Variants in CRY1 observed in about 807,000 individuals in gnomAD.
The protein encoded by CRY1 is cryptochrome-1.
CRY1 carries 45 observed loss-of-function variants against 76.0 expected under a neutral mutation model. The ratio of observed to expected loss-of-function variants is 0.59; its 90% CI spans 0.47 to 0.76. The LOEUF (loss-of-function observed/expected upper bound fraction) is 0.76. Ranked by LOEUF, CRY1 falls within the 30% of genes least tolerant of loss-of-function variation. The pLI is 0.00. For synonymous variants in CRY1, 248 were observed against 244.0 expected, an observed-to-expected ratio of 1.02 and a Z score of -0.15; for missense variants, 587 against 716.4, an observed-to-expected ratio of 0.82 and a Z score of 2.06.
chr12:107,017,434 C>T (rs1318482664), intron 2 of CRY1, among the ~76,000 whole-genome samples: 1 of 152,204 alleles, frequency 6.6e-6, no homozygotes, highest in African/African-American at 2.4e-5. Flanking sequence ...ATTGGTTTCA[C>T]TCGGATCTGC....
chr12:106,992,204 C>T lies in CRY1; in HGVS notation c.*1-203G>A, dbSNP rs548485056. ...AATTTTTAAAAACTGGCAAATCCAA[C>T]GTATAAATATTTTTCATATTAATTT... On this transcript the variant is annotated intron_variant, in intron 12 of 12. Coordinates refer to ENST00000008527, the MANE Select transcript of CRY1 (RefSeq NM_004075.5). 4 of 152,178 alleles carry T rather than the reference C, an allele frequency of 2.6e-5. No homozygotes were observed. In the South Asian group the frequency reaches 8.3e-4, roughly 32 times the overall value. The allele number at this position is 152,178 out of a possible 1,614,324, so 9.4% of individuals were successfully genotyped here.
rs1220228903 is a variant in CRY1, at chr12:107,069,574, G to GTA, written c.158+23228_158+23229dup. Among the ~76,000 whole-genome samples the GTA allele has an allele frequency of 9.4e-3, 1,015 of 107,816 alleles. 12 individuals carry two copies. Among genetic ancestry groups the GTA allele is most frequent in the African/African-American group, 0.047 (959 of 20,456 alleles). The allele number at this position is 107,816 out of a possible 152,430, so 70.7% of individuals were successfully genotyped here. On this transcript the variant is annotated intron_variant, in intron 1 of 12. Transcript: ENST00000008527. ...AGTATATATATAATATATATATAAA[G>GTA]TATATATATAAAGTATATATATATA...
intron 1 of CRY1, among the ~76,000 whole-genome samples, chr12:107,035,324 C>T (rs749615048): frequency 2.6e-5 from 4 of 152,106 alleles, no homozygotes; most frequent in Non-Finnish European, 4.4e-5. Context: ...AGTAATGTAT[C>T]TATTAACAAT....
chr12:107,001,781 G>A lies in CRY1; in HGVS notation c.578C>T (p.Pro193Leu). 6.4e-7 allele frequency: 1 copy of A among 1,557,622 alleles called. No individual in the cohort carries two copies. The highest frequency in any genetic ancestry group is 2.4e-5 in the East Asian group (1 of 42,076). The change falls in exon 4 of 13, where the codon CCT (proline) becomes CTT (leucine). Residue 193 changes from proline to leucine, a missense_variant. By Grantham distance (98) the Pro-to-Leu change is moderately conservative. Transcript: ENST00000008527. ...SDDHDEKYGV[P>L]SLEELGFDTD... ...ACACTCACCTAGCTCTTCCAGTGAA[G>A]GGACTCCATATTTCTCATCATGGTC...
intron 2 of CRY1, among the ~76,000 whole-genome samples, chr12:107,014,190 A>G (rs1308540707): frequency 6.6e-6 from 1 of 152,194 alleles, no homozygotes; most frequent in Non-Finnish European, 1.5e-5. Context: ...TCATACCAAT[A>G]ACCTGCTGGT....
rs1952547833 is a variant in CRY1, at chr12:107,020,797, G to T, written c.267+1287C>A. 2.6e-5 allele frequency among the ~76,000 whole-genome samples: 4 copies of T among 152,210 alleles called. No individual in the cohort carries two copies. The South Asian group carries it at 8.3e-4, about 32-fold the overall frequency. ...AATGGACTAATACAGTAATAAATAG[G>T]AAGGGATGAATACAAAAAGGGCAAT... On this transcript the variant is annotated intron_variant, in intron 2 of 12. Coordinates refer to ENST00000008527, the MANE Select transcript of CRY1 (RefSeq NM_004075.5).
At position 106,997,668 on chromosome 12, in the gene CRY1, C is replaced by G. The variant is rs1424800183; in HGVS notation, c.1312G>C (p.Gly438Arg). 6.2e-7 allele frequency: 1 copy of G among 1,613,964 alleles called. No homozygotes were observed. Among genetic ancestry groups the G allele is most frequent in the East Asian group, 2.2e-5 (1 of 44,864 alleles). ...TCATAGATATATTTTGCAGGGAAGC[C>G]TCTTAGGACAGGCAAATAACGCCTT... ...YIRRYLPVLR[G>R]FPAKYIYDPW... Residue 438 changes from glycine to arginine, a missense_variant, in exon 9 of 13, where the codon GGC (glycine) becomes CGC (arginine). Transcript: ENST00000008527.
chr12:107,029,971 G>C (rs1952657961), intron 1 of CRY1, among the ~76,000 whole-genome samples: 2 of 152,138 alleles, frequency 1.3e-5, no homozygotes, highest in African/African-American at 4.8e-5. Context: ...AGGATGTGGT[G>C]GTGATGGTAG....
intron 2 of CRY1, among the ~76,000 whole-genome samples, chr12:107,011,807 G>A (rs763895613): frequency 6.6e-6 from 1 of 152,194 alleles, no homozygotes; most frequent in Non-Finnish European, 1.5e-5. Flanking sequence ...GAATTAAGGT[G>A]GCTACACTAA....
intron 1 of CRY1, among the ~76,000 whole-genome samples, chr12:107,037,442 G>C (rs1384008125): frequency 6.6e-6 from 1 of 151,966 alleles, no homozygotes; most frequent in Non-Finnish European, 1.5e-5. Flanking sequence ...AGAGGCAGGA[G>C]AATCACTTGA....
chr12:107,003,800 A>T (rs1317974674), intron 3 of CRY1, among the ~76,000 whole-genome samples: 1 of 149,358 alleles, frequency 6.7e-6, no homozygotes, highest in Non-Finnish European at 1.5e-5. Flanking sequence ...AATCCAATAA[A>T]CACTTGATTT....
chr12:107,005,267 G>T lies in CRY1; in HGVS notation c.268-19C>A. The T allele has an allele frequency of 1.3e-6, 2 of 1,596,478 alleles. No individual in the cohort carries two copies. The highest frequency in any genetic ancestry group is 1.7e-6 in the Non-Finnish European group (2 of 1,172,082). ...TCCATTCCTAAAGTAAGAGAAAGGG[G>T]AACAATGTACACCAATTGTAATAGT... On this transcript the variant is annotated intron_variant, in intron 2 of 12. Coordinates refer to ENST00000008527, the MANE Select transcript of CRY1 (RefSeq NM_004075.5).
intron 1 of CRY1, among the ~76,000 whole-genome samples, chr12:107,057,467 CTCTT>C (rs1457543170): frequency 6.6e-6 from 1 of 152,156 alleles, no homozygotes; most frequent in African/African-American, 2.4e-5. Context: ...AGAAGAATGC[CTCTT>C]TCTTTCTCTC....
chr12:106,996,871 G>C (rs1176515122), intron 10 of CRY1, among the ~76,000 whole-genome samples: 2 of 152,170 alleles, frequency 1.3e-5, no homozygotes, highest in East Asian at 1.9e-4. Context: ...AAACTTATGT[G>C]CAAAAAGACT....
intron 1 of CRY1, among the ~76,000 whole-genome samples, chr12:107,085,880 A>G (rs1409175803): frequency 6.6e-6 from 1 of 152,162 alleles, no homozygotes. Flanking sequence ...ACTCAAAACA[A>G]AACAAAACAA....
chr12:107,004,456 G>GT (rs755566283), intron 3 of CRY1, among the ~76,000 whole-genome samples: 60 of 152,230 alleles, frequency 3.9e-4, no homozygotes, highest in Middle Eastern at 3.4e-3. Flanking sequence ...TATGCCAAAA[G>GT]TTTTAAAAAG....
At chr12:107,062,226 CTT>C (rs1953057423) in intron 1 of CRY1, among the ~76,000 whole-genome samples, 1 of 151,802 alleles carries the variant, frequency 6.6e-6, no homozygotes, top group Admixed American at 6.6e-5. Flanking sequence ...ACATGAGCAC[CTT>C]TTGTTTTTAT....
At chr12:107,024,475 C>T (rs1412501921) in intron 1 of CRY1, among the ~76,000 whole-genome samples, 1 of 151,718 alleles carries the variant, frequency 6.6e-6, no homozygotes, top group Admixed American at 6.6e-5. Context: ...TTCACTGCAG[C>T]CTTGACTTCT....
At chr12:107,033,214 AAGAAAGAAC>A (rs1952697607) in intron 1 of CRY1, among the ~76,000 whole-genome samples, 1 of 152,220 alleles carries the variant, frequency 6.6e-6, no homozygotes, top group Non-Finnish European at 1.5e-5. Flanking sequence ...CTCAAGAGTA[AAGAAAGAAC>A]AGGAATAATT....
Sources: allele counts gnomAD v4.1 joint callset (sites outside exome capture counted in the v4.1 genomes callset), GRCh38; gene constraint gnomAD v4.1.1; transcripts MANE v1.5; gene names NCBI Gene and HGNC (gene_info 2026-07-23, HGNC 2026-07-21).